The following PRKCE variants were observed in gnomAD, a reference collection of about 807,000 sequenced individuals.
The protein encoded by PRKCE is protein kinase C epsilon.
Under a neutral mutation model 85.4 loss-of-function variants are expected in PRKCE, and 16 were observed. The observed-to-expected ratio is 0.19, with a 90% CI of 0.13 to 0.28. PRKCE has a LOEUF of 0.28. PRKCE is among the 10% of genes least tolerant of loss of function. PRKCE has a pLI of 1.00. For missense variants in PRKCE, 573 were observed against 975.2 expected (o/e 0.59, Z 5.49); for synonymous variants, 388 against 371.5 (o/e 1.04, Z -0.51).
At chr2:45,939,337 C>T (rs1489742100) in intron 2 of PRKCE, among the ~76,000 whole-genome samples, 5 of 152,150 alleles carry the variant, frequency 3.3e-5, no homozygotes, top group African/African-American at 1.2e-4. Context: ...CTGTGTTCAC[C>T]ACTTCATTCC....
rs563449898 is a variant in PRKCE at position 46,159,957 on chromosome 2, C to G, written c.2067+205C>G. On this transcript the variant is annotated intron_variant, in intron 14 of 14. Coordinates refer to ENST00000306156, the MANE Select transcript of PRKCE (RefSeq NM_005400.3). This position sits in a 1 kb window ranked among gnomAD's most constrained non-coding sequence, Gnocchi z 4.1. The stretch of plus-strand genomic sequence containing the variant: ...GAAAACATGTAACCTACTACAGCAG[C>G]ACCCAAGATGATGATTTACGTGGGC... The G allele has an allele frequency of 1.9e-6, 1 of 537,598 alleles. No individual in the cohort carries two copies. The highest frequency in any genetic ancestry group is 4.3e-5 in the Admixed American group (1 of 23,420). The allele number at this position is 537,598 out of a possible 1,614,324, so 33.3% of individuals were successfully genotyped here. A position where few individuals can be genotyped will look rare whatever the true frequency, so the allele number is the denominator to read the frequency against.
intron 1 of PRKCE, among the ~76,000 whole-genome samples, chr2:45,711,860 T>A (rs912640890): frequency 6.6e-6 from 1 of 152,204 alleles, no homozygotes; most frequent in Non-Finnish European, 1.5e-5. Context: ...CCTGACCTCA[T>A]GATCTGCATG....
chr2:45,947,213 T>C (rs756546439), intron 2 of PRKCE, among the ~76,000 whole-genome samples: 1 of 152,238 alleles, frequency 6.6e-6, no homozygotes, highest in African/African-American at 2.4e-5. Context: ...AAGATGCCAG[T>C]TGCAAAAGAC....
intron 14 of PRKCE, among the ~76,000 whole-genome samples, chr2:46,165,457 T>C (rs1356448770): frequency 1.3e-5 from 2 of 152,012 alleles, no homozygotes; most frequent in Non-Finnish European, 2.9e-5. Flanking sequence ...CACTGAGGGG[T>C]TGGGGAGACA....
intron 2 of PRKCE, among the ~76,000 whole-genome samples, chr2:45,923,109 C>T (rs1258787724): frequency 1.3e-5 from 2 of 152,148 alleles, no homozygotes; most frequent in East Asian, 1.9e-4. Flanking sequence ...TCTGAATTTT[C>T]CTTGGCGTGA....
At chr2:45,715,414 G>C (rs1447369805) in intron 1 of PRKCE, among the ~76,000 whole-genome samples, 4 of 152,196 alleles carry the variant, frequency 2.6e-5, no homozygotes, top group Non-Finnish European at 4.4e-5. Context: ...TGCAGTCTCA[G>C]GGAACTCAGA....
At chr2:45,931,679 A>C (rs1055420243) in intron 2 of PRKCE, among the ~76,000 whole-genome samples, 1 of 152,198 alleles carries the variant, frequency 6.6e-6, no homozygotes, top group African/African-American at 2.4e-5. Context: ...GACACACAGA[A>C]AAATGCATGG....
chr2:46,094,819 AAAG>A (rs990577318), intron 11 of PRKCE, among the ~76,000 whole-genome samples: 43 of 152,290 alleles, frequency 2.8e-4, no homozygotes, highest in African/African-American at 1.0e-3. Context: ...AAAAAAAAAA[AAAG>A]CATTTTCACT....
At chr2:45,935,782 CA>C (rs11332351) in intron 2 of PRKCE, among the ~76,000 whole-genome samples, 21,726 of 134,520 alleles carry the variant, frequency 0.16, 2,102 homozygotes, top group African/African-American at 0.31. Flanking sequence ...GAGACTGTCT[CA>C]AAAAAAAAAA....
chr2:46,132,319 C>G (rs1426616314), intron 11 of PRKCE, among the ~76,000 whole-genome samples: 3 of 152,194 alleles, frequency 2.0e-5, no homozygotes, highest in Non-Finnish European at 2.9e-5. Context: ...TTCTTTTCCT[C>G]CAGCCCAAAC....
chr2:45,900,636 T>C (rs1696505192), intron 2 of PRKCE, among the ~76,000 whole-genome samples: 2 of 152,340 alleles, frequency 1.3e-5, no homozygotes, highest in Non-Finnish European at 1.5e-5. Flanking sequence ...AGGACTATTG[T>C]TCAATGGTAG....
intron 1 of PRKCE, among the ~76,000 whole-genome samples, chr2:45,776,921 A>C (rs72886163): frequency 0.011 from 1,620 of 152,312 alleles, 31 homozygotes; most frequent in African/African-American, 0.036. Context: ...CCCCAGCCTT[A>C]ATATGAAAGT....
chr2:46,096,404 A>T (rs911830057), intron 11 of PRKCE, among the ~76,000 whole-genome samples: 14 of 152,148 alleles, frequency 9.2e-5, no homozygotes, highest in African/African-American at 3.4e-4. Flanking sequence ...CCCAACCCCC[A>T]GATTCTTATG....
At chr2:46,161,763 A>T (rs870139) in intron 14 of PRKCE, among the ~76,000 whole-genome samples, 91,095 of 151,904 alleles carry the variant, frequency 0.6, 28,746 homozygotes, top group East Asian at 0.87. Flanking sequence ...GTGTGGATTC[A>T]TGAAGAATCG....
At position 46,159,844 on chromosome 2, in the gene PRKCE, G is replaced by C. The variant is rs1391828081; in HGVS notation, c.2067+92G>C. 2.0e-6 allele frequency: 3 copies of C among 1,508,034 alleles called. No individual in the cohort carries two copies. In the South Asian group the frequency reaches 3.6e-5, roughly 18 times the overall value. 93.4% of individuals were successfully genotyped at this position (1,508,034 alleles called of 1,614,324 possible). The stretch of plus-strand genomic sequence containing the variant: ...TGCACCCAGGAAGAGTTGGTCAGGG[G>C]ATGCGTATTACAGTAAAAATGACAA... On this transcript the variant is annotated intron_variant, in intron 14 of 14. Coordinates refer to ENST00000306156, the MANE Select transcript of PRKCE (RefSeq NM_005400.3). This position sits in a 1 kb window ranked among gnomAD's most constrained non-coding sequence, Gnocchi z 4.1.
At chr2:45,955,568 C>T (rs983335969) in intron 2 of PRKCE, among the ~76,000 whole-genome samples, 1 of 152,130 alleles carries the variant, frequency 6.6e-6, no homozygotes, top group African/African-American at 2.4e-5. Flanking sequence ...CCTGTAGTCC[C>T]AGCTACTTCA....
At chr2:46,127,824 A>C (rs1574542718) in intron 11 of PRKCE, among the ~76,000 whole-genome samples, 1 of 152,266 alleles carries the variant, frequency 6.6e-6, no homozygotes, top group Non-Finnish European at 1.5e-5. Flanking sequence ...TCACAGATAC[A>C]GTAGGCAAAC....
rs1286177937 is a variant in PRKCE at position 46,007,369 on chromosome 2, A to T, written c.1064-93A>T. On this transcript the variant is annotated intron_variant, in intron 8 of 14. Coordinates refer to ENST00000306156, the MANE Select transcript of PRKCE (RefSeq NM_005400.3). ...TTGTGAAGAACCAGAAAGAGGACTG[A>T]GAGCTTACAGGGGAAAGTCTGAGTG... 3.1e-6 allele frequency: 4 copies of T among 1,272,596 alleles called. No individual in the cohort carries two copies. In the East Asian group the frequency reaches 9.5e-5, roughly 30 times the overall value. The allele number at this position is 1,272,596 out of a possible 1,614,324, so 78.8% of individuals were successfully genotyped here.
At chr2:46,065,357 AT>A (rs1299905660) in intron 10 of PRKCE, among the ~76,000 whole-genome samples, 1 of 152,106 alleles carries the variant, frequency 6.6e-6, no homozygotes, top group African/African-American at 2.4e-5. Context: ...AGTTTCTAAT[AT>A]TCTCTTAAAA....
Sources: allele counts gnomAD v4.1 joint callset (sites outside exome capture counted in the v4.1 genomes callset), GRCh38; gene constraint gnomAD v4.1.1; non-coding constraint Gnocchi (gnomAD v3.1); transcripts MANE v1.5; gene names NCBI Gene and HGNC (gene_info 2026-07-23, HGNC 2026-07-21).